The following ADAMTS16 variants were observed in gnomAD, a reference collection of about 807,000 sequenced individuals.
ADAMTS16 encodes ADAM metallopeptidase with thrombospondin type 1 motif 16, also known as A disintegrin and metalloproteinase with thrombospondin motifs 16.
A neutral mutation model predicts 145.8 loss-of-function variants in ADAMTS16; 94 were observed. The observed-to-expected ratio is 0.64, with a 90% confidence interval of 0.55 to 0.77. The LOEUF (loss-of-function observed/expected upper bound fraction) is 0.77. ADAMTS16 is among the 30% of genes least tolerant of loss of function. The pLI, the probability that ADAMTS16 is intolerant of heterozygous loss-of-function variation, is 0.00. For missense variants in ADAMTS16, 1,585 were observed against 1,591.5 expected (o/e 1.00, Z 0.07); for synonymous variants, 659 against 604.3 (o/e 1.09, Z -1.33).
At chr5:5,304,971 ACACACACACATCCTACAC>A (rs1739976092) in intron 20 of ADAMTS16, among the ~76,000 whole-genome samples, 3 of 144,514 alleles carry the variant, frequency 2.1e-5, no homozygotes, top group East Asian at 2.1e-4. Context: ...CACCACACAC[ACACACACACATCCTACAC>A]CACACACACA....
rs1175011277 is a variant in ADAMTS16, at chr5:5,215,898, A to G, written c.1605+6652A>G. 3.0e-4 allele frequency among the ~76,000 whole-genome samples: 34 copies of G among 113,650 alleles called. No homozygotes were observed. In the South Asian group the frequency reaches 6.6e-3, roughly 22 times the overall value. 74.6% of individuals were successfully genotyped at this position (113,650 alleles called of 152,430 possible). A position where few individuals can be genotyped will look rare whatever the true frequency, so the allele number is the denominator to read the frequency against. On this transcript the variant is annotated intron_variant, in intron 10 of 22. Coordinates refer to ENST00000274181, the MANE Select transcript of ADAMTS16 (RefSeq NM_139056.4). ...TATATATATATATATATATATATAT[A>G]TATATATATATATATATCACAGTTT... is the stretch of plus-strand genomic sequence containing the variant.
At chr5:5,267,275 G>T (rs1738275230) in intron 18 of ADAMTS16, among the ~76,000 whole-genome samples, 1 of 152,168 alleles carries the variant, frequency 6.6e-6, no homozygotes, top group Non-Finnish European at 1.5e-5. Context: ...TGTCGTCCCT[G>T]GGCAGCTTGT....
At chr5:5,207,900 T>C (rs1437482340) in intron 9 of ADAMTS16, among the ~76,000 whole-genome samples, 4 of 152,198 alleles carry the variant, frequency 2.6e-5, no homozygotes, top group African/African-American at 9.7e-5. Flanking sequence ...ATATAGTTCT[T>C]CTCATGCATT....
intron 18 of ADAMTS16, among the ~76,000 whole-genome samples, chr5:5,279,923 T>C (rs898016233): frequency 7.6e-5 from 3 of 39,608 alleles, no homozygotes; most frequent in African/African-American, 1.5e-4. Context: ...TCTTTATTTC[T>C]CTTTTTCTTT....
At chr5:5,275,877 T>C (rs1738668388) in intron 18 of ADAMTS16, among the ~76,000 whole-genome samples, 1 of 151,646 alleles carries the variant, frequency 6.6e-6, no homozygotes, top group African/African-American at 2.4e-5. Flanking sequence ...TTTTTTTTTT[T>C]TAAGACGGCG....
intron 21 of ADAMTS16, among the ~76,000 whole-genome samples, chr5:5,313,504 G>A (rs909742746): frequency 1.3e-5 from 2 of 152,352 alleles, no homozygotes; most frequent in South Asian, 4.1e-4. Context: ...GGAATGGCTT[G>A]CATGCGATCA....
intron 10 of ADAMTS16, among the ~76,000 whole-genome samples, chr5:5,210,440 A>G (rs1341814154): frequency 2.6e-5 from 4 of 152,150 alleles, no homozygotes; most frequent in African/African-American, 9.7e-5. Flanking sequence ...TTCATTTTAC[A>G]TGTACAATTT....
intron 17 of ADAMTS16, among the ~76,000 whole-genome samples, chr5:5,253,903 G>A: frequency 6.6e-6 from 1 of 152,116 alleles, no homozygotes; most frequent in Admixed American, 6.5e-5. Flanking sequence ...TCCTTTCTTT[G>A]TATTCTCCCT....
chr5:5,239,560 TC>T, intron 15 of ADAMTS16, 120 bp from the exon 16 acceptor site: 1 of 1,419,560 alleles, frequency 7.0e-7, no homozygotes, highest in Non-Finnish European at 9.6e-7. Flanking sequence ...CCAGAACACG[TC>T]TTCACCCAGT....
At chr5:5,277,678 T>C (rs1738755705) in intron 18 of ADAMTS16, among the ~76,000 whole-genome samples, 1 of 152,188 alleles carries the variant, frequency 6.6e-6, no homozygotes, top group African/African-American at 2.4e-5. Context: ...TATATTTCCT[T>C]AATTTACAAA....
intron 3 of ADAMTS16, among the ~76,000 whole-genome samples, chr5:5,175,124 C>T (rs1161135826): frequency 2.0e-5 from 3 of 152,198 alleles, no homozygotes; most frequent in African/African-American, 7.2e-5. Context: ...ACACATGAAG[C>T]TAGCACATCT....
At chr5:5,222,912 C>A in intron 11 of ADAMTS16, 28 bp downstream of exon 11, 1 of 1,598,470 alleles carries the variant, frequency 6.3e-7, no homozygotes, top group Non-Finnish European at 8.6e-7. Flanking sequence ...GGTACAGCAT[C>A]GTATTCAGAT....
chr5:5,232,026 G>A (rs1470915396), intron 11 of ADAMTS16, among the ~76,000 whole-genome samples: 2 of 152,128 alleles, frequency 1.3e-5, no homozygotes, highest in Non-Finnish European at 2.9e-5. Context: ...TTCAGGACAG[G>A]TCAGAGTTCA....
intron 17 of ADAMTS16, among the ~76,000 whole-genome samples, chr5:5,256,289 C>T (rs1737778706): frequency 6.6e-6 from 1 of 152,158 alleles, no homozygotes; most frequent in African/African-American, 2.4e-5. Context: ...AAAAGTCTTG[C>T]AATATGCACT....
intron 17 of ADAMTS16, among the ~76,000 whole-genome samples, chr5:5,246,699 T>C (rs576444567): frequency 3.3e-5 from 5 of 152,320 alleles, no homozygotes; most frequent in Middle Eastern, 6.8e-3. Context: ...AGTGCCTCTT[T>C]AGTGTCATAG....
intron 18 of ADAMTS16, among the ~76,000 whole-genome samples, chr5:5,266,734 C>G (rs1738252259): frequency 6.6e-6 from 1 of 152,200 alleles, no homozygotes; most frequent in Admixed American, 6.5e-5. Flanking sequence ...GTTACCCATA[C>G]TTCTTCTTCA....
chr5:5,228,349 T>C (rs868190961), intron 11 of ADAMTS16, among the ~76,000 whole-genome samples: 2 of 152,296 alleles, frequency 1.3e-5, no homozygotes, highest in South Asian at 4.1e-4. Context: ...TTTGCTAGGA[T>C]AAAGGAAGTA....
At chr5:5,166,926 T>C (rs1734901674) in intron 3 of ADAMTS16, among the ~76,000 whole-genome samples, 1 of 152,200 alleles carries the variant, frequency 6.6e-6, no homozygotes, top group African/African-American at 2.4e-5. Flanking sequence ...CCTTCCCTCC[T>C]GTATGCTCAC....
intron 7 of ADAMTS16, among the ~76,000 whole-genome samples, 196 bp from the exon 8 acceptor site, chr5:5,191,489 C>T (rs1244296685): frequency 1.3e-5 from 2 of 152,096 alleles, no homozygotes; most frequent in African/African-American, 4.8e-5. Context: ...TACAGAGAGT[C>T]CTTGGGCTCC....
Sources: allele counts gnomAD v4.1 joint callset (sites outside exome capture counted in the v4.1 genomes callset), GRCh38; gene constraint gnomAD v4.1.1; transcripts MANE v1.5; gene names NCBI Gene and HGNC (gene_info 2026-07-23, HGNC 2026-07-21).